The following SORCS2 variants were observed in gnomAD, a reference collection of about 807,000 sequenced individuals.
The protein encoded by SORCS2 is VPS10 domain-containing receptor SorCS2.
Under a neutral mutation model 141.6 loss-of-function variants are expected in SORCS2, and 100 were observed. The ratio of observed to expected loss-of-function variants is 0.71; its 90% CI spans 0.60 to 0.83. The LOEUF (loss-of-function observed/expected upper bound fraction) is 0.83. Among genes scored for constraint, SORCS2 ranks in the 40% least tolerant of loss-of-function variants. The pLI is 0.00. For synonymous variants in SORCS2, 789 were observed against 676.9 expected (o/e 1.17, Z -2.57); for missense variants, 1,646 against 1,560.2 (o/e 1.05, Z -0.93).
chr4:7,344,508 C>A (rs952070385), intron 1 of SORCS2, among the ~76,000 whole-genome samples: 1 of 152,228 alleles, frequency 6.6e-6, no homozygotes, highest in Non-Finnish European at 1.5e-5. Flanking sequence ...CAGAACAGCC[C>A]TAGTGAGACC....
chr4:7,722,626 C>T (rs1378558890), intron 18 of SORCS2, among the ~76,000 whole-genome samples: 1 of 152,134 alleles, frequency 6.6e-6, no homozygotes, highest in African/African-American at 2.4e-5. Flanking sequence ...TACACAGATG[C>T]CTGTCACTGG....
intron 1 of SORCS2, among the ~76,000 whole-genome samples, chr4:7,324,165 C>G (rs1719088624): frequency 6.6e-6 from 1 of 152,234 alleles, no homozygotes; most frequent in Non-Finnish European, 1.5e-5. Context: ...TATTCCCTTT[C>G]CACTAAGCCA....
At chr4:7,667,976 T>C (rs1722597878) in intron 8 of SORCS2, among the ~76,000 whole-genome samples, 1 of 152,214 alleles carries the variant, frequency 6.6e-6, no homozygotes, top group African/African-American at 2.4e-5. Context: ...CACACCTCCC[T>C]CGTGAGGACA....
At chr4:7,368,107 G>A (rs1210068518) in intron 1 of SORCS2, among the ~76,000 whole-genome samples, 1 of 152,216 alleles carries the variant, frequency 6.6e-6, no homozygotes, top group Non-Finnish European at 1.5e-5. Context: ...GTTCACGTGT[G>A]GTGGTGAGGC....
At position 7,192,825 on chromosome 4, in the gene SORCS2, C is replaced by G; in HGVS notation, c.179C>G (p.Pro60Arg). Residue 60 changes from proline to arginine, a missense_variant, in exon 1 of 27, where the codon CCT becomes CGT. Physicochemically the swap from Pro to Arg is moderately radical, Grantham distance 103. Transcript: ENST00000507866. This position sits in a 1 kb window ranked among gnomAD's most constrained non-coding sequence, Gnocchi z 4.0. ...TCCCCTGAGCCCGGGCGCCTGGGTC[C>G]TCACGCCCAACTGACCCGGGTGCCG... is the stretch of plus-strand genomic sequence containing the variant. ...GRSPEPGRLG[P>R]HAQLTRVPRS... 1 of 1,034,728 alleles carries G rather than the reference C, an allele frequency of 9.7e-7. No homozygotes were observed. The highest frequency in any genetic ancestry group is 1.2e-6 in the Non-Finnish European group (1 of 864,102). The allele number at this position is 1,034,728 out of a possible 1,614,324, so 64.1% of individuals were successfully genotyped here.
At chr4:7,418,707 C>CT (rs1299133017) in intron 2 of SORCS2, among the ~76,000 whole-genome samples, 1 of 114,608 alleles carries the variant, frequency 8.7e-6, no homozygotes, top group Non-Finnish European at 2.0e-5. Flanking sequence ...AAATGACCCC[C>CT]CCCCCCACCA....
chr4:7,195,067 T>G (rs1577262423), intron 1 of SORCS2, among the ~76,000 whole-genome samples: 3 of 145,646 alleles, frequency 2.1e-5, no homozygotes, highest in African/African-American at 5.1e-5. Context: ...GCACTGGGGG[T>G]GGGGGGCTGT....
At chr4:7,697,799 G>A (rs188588758) in intron 12 of SORCS2, among the ~76,000 whole-genome samples, 1 of 152,064 alleles carries the variant, frequency 6.6e-6, no homozygotes, top group Non-Finnish European at 1.5e-5. Flanking sequence ...TGTGAGTCTG[G>A]GTTGGGGTGT....
chr4:7,728,210 G>A (rs986806272), intron 21 of SORCS2, 140 bp from the exon 22 acceptor site: 6 of 600,382 alleles, frequency 1.0e-5, no homozygotes, highest in Non-Finnish European at 1.8e-5. Flanking sequence ...AGAAGACGAT[G>A]GGGCTGCTGG....
At chr4:7,469,986 G>T (rs1029437148) in intron 2 of SORCS2, among the ~76,000 whole-genome samples, 2 of 152,176 alleles carry the variant, frequency 1.3e-5, no homozygotes, top group Non-Finnish European at 2.9e-5. Flanking sequence ...GAGGCCAGAG[G>T]CCACAAAGAT....
rs1355341318 is a variant in SORCS2 at position 7,193,551 on chromosome 4, C to G, written c.480+425C>G. Among the ~76,000 whole-genome samples the G allele has an allele frequency of 6.6e-6, 1 of 152,166 alleles. No individual in the cohort carries two copies. Among genetic ancestry groups the G allele is most frequent in the East Asian group, 1.9e-4 (1 of 5,172 alleles). On this transcript the variant is annotated intron_variant, in intron 1 of 26. Coordinates refer to ENST00000507866, the MANE Select transcript of SORCS2 (RefSeq NM_020777.3). This position sits in a 1 kb window ranked among gnomAD's most constrained non-coding sequence, Gnocchi z 4.8. ...GGGATTTTGGGCTCCGGGATCCTTCCCTCCCTGGTCTACCAGGGACTCCGC... is the reference window on the plus strand; with the variant it reads ...GGGATTTTGGGCTCCGGGATCCTTCGCTCCCTGGTCTACCAGGGACTCCGC...
chr4:7,562,494 C>T (rs1577754865), intron 3 of SORCS2, among the ~76,000 whole-genome samples: 1 of 152,130 alleles, frequency 6.6e-6, no homozygotes, highest in East Asian at 1.9e-4. Context: ...CAAACGTTTT[C>T]TGTAAAGGGC....
intron 2 of SORCS2, among the ~76,000 whole-genome samples, chr4:7,504,924 C>T (rs920134928): frequency 2.6e-5 from 4 of 152,178 alleles, no homozygotes; most frequent in Non-Finnish European, 5.9e-5. Context: ...GGCGCTGATG[C>T]CCCCCGGCCA....
chr4:7,730,498 C>T (rs913397437), intron 23 of SORCS2, among the ~76,000 whole-genome samples: 7 of 152,216 alleles, frequency 4.6e-5, no homozygotes, highest in East Asian at 1.9e-4. Context: ...AAGTGCTCAT[C>T]GGCTGCTGAA....
chr4:7,410,682 C>G (rs1725244018), intron 2 of SORCS2, among the ~76,000 whole-genome samples: 1 of 152,232 alleles, frequency 6.6e-6, no homozygotes, highest in South Asian at 2.1e-4. Flanking sequence ...GCTTTAACAT[C>G]ACCATGGAGA....
intron 1 of SORCS2, among the ~76,000 whole-genome samples, chr4:7,372,389 C>T (rs1331506221): frequency 6.6e-6 from 1 of 152,150 alleles, no homozygotes; most frequent in Non-Finnish European, 1.5e-5. Context: ...TCACTGCAAC[C>T]TCCGTCCCCT....
chr4:7,624,272 C>T (rs754444022), intron 3 of SORCS2, among the ~76,000 whole-genome samples: 7 of 152,148 alleles, frequency 4.6e-5, no homozygotes, highest in African/African-American at 7.2e-5. Flanking sequence ...CTTACATTCA[C>T]GGGCCTTTCT....
At chr4:7,205,513 G>A (rs1179405014) in intron 1 of SORCS2, among the ~76,000 whole-genome samples, 2 of 152,242 alleles carry the variant, frequency 1.3e-5, no homozygotes, top group Admixed American at 6.5e-5. Flanking sequence ...TGTGCTGAGT[G>A]TAAGCCATAC....
chr4:7,321,433 A>G (rs577946666), intron 1 of SORCS2, among the ~76,000 whole-genome samples: 18 of 152,348 alleles, frequency 1.2e-4, no homozygotes, highest in African/African-American at 4.1e-4. Context: ...GTCTCAGGTT[A>G]TAAAACCAGT....
Sources: gnomAD v4.1 joint callset for allele counts (sites outside exome capture counted in the v4.1 genomes callset) on GRCh38, gnomAD v4.1.1 for gene constraint, Gnocchi (gnomAD v3.1) non-coding constraint, MANE v1.5 for transcripts, NCBI Gene and HGNC (gene_info 2026-07-23, HGNC 2026-07-21) for gene names.